Variants in EYS observed in about 807,000 individuals in gnomAD.
EYS encodes protein eyes shut homolog.
EYS carries 250 observed loss-of-function variants against 282.1 expected under a neutral mutation model. The observed-to-expected ratio is 0.89, with a 90% CI of 0.80 to 0.98. The LOEUF (loss-of-function observed/expected upper bound fraction) is 0.98. Ranked by LOEUF, EYS falls within the 50% of genes least tolerant of loss-of-function variation. EYS has a pLI of 0.00. For synonymous variants in EYS, 1,355 were observed against 1,282.9 expected, an observed-to-expected ratio of 1.06 and a Z score of -1.20; for missense variants, 4,016 against 3,709.0, an observed-to-expected ratio of 1.08 and a Z score of -2.15.
Position 65,264,308 on chromosome 6 carries a change from C to T in EYS, c.2023+31555G>A, listed in dbSNP as rs534813605. 4.6e-5 allele frequency among the ~76,000 whole-genome samples: 7 copies of T among 152,202 alleles called. No homozygotes were observed. In the South Asian group the frequency reaches 1.5e-3, roughly 32 times the overall value. ...TAATAAGTGCTAATTAACATTTCTTCTGTTAAATACCCAAGTTATTCTTTG... is the reference window on the plus strand; with the variant it reads ...TAATAAGTGCTAATTAACATTTCTTTTGTTAAATACCCAAGTTATTCTTTG... On this transcript the variant is annotated intron_variant, in intron 12 of 42. Coordinates refer to ENST00000503581, the MANE Select transcript of EYS (RefSeq NM_001142800.2).
chr6:65,320,877 G>T (rs1769456154), intron 11 of EYS, among the ~76,000 whole-genome samples: 1 of 152,160 alleles, frequency 6.6e-6, no homozygotes, highest in Non-Finnish European at 1.5e-5. Context: ...GGAGGGCCAT[G>T]TTCACCCTAA....
rs573806229 is a variant in EYS at position 64,073,429 on chromosome 6, T to C, written c.6572-6938A>G. Among the ~76,000 whole-genome samples the C allele has an allele frequency of 4.5e-3, 690 of 151,848 alleles. 4 individuals carry two copies. Among genetic ancestry groups the C allele is most frequent in the African/African-American group, 0.016 (659 of 41,478 alleles). The stretch of plus-strand genomic sequence containing the variant: ...CAATTGACTTTGTATCATGTAACCC[T>C]AGGATTCTATAAGTAGAGAAAAGCT... On this transcript the variant is annotated intron_variant, in intron 32 of 42. Transcript: ENST00000503581.
intron 2 of EYS, among the ~76,000 whole-genome samples, chr6:65,626,108 G>A (rs1172130992): frequency 6.6e-6 from 1 of 152,106 alleles, no homozygotes; most frequent in Non-Finnish European, 1.5e-5. Context: ...GTCCCTAAGA[G>A]GTTCCACAAA....
chr6:64,733,459 T>C, intron 22 of EYS: 1 of 190,544 alleles, frequency 5.2e-6, no homozygotes. Context: ...ACCACAATGA[T>C]GCTGCTGACA....
chr6:64,313,846 A>T (rs1769826379), intron 29 of EYS, among the ~76,000 whole-genome samples: 1 of 152,132 alleles, frequency 6.6e-6, no homozygotes, highest in African/African-American at 2.4e-5. Context: ...CAAGCTTGCC[A>T]CACAAGAGCT....
chr6:64,961,447 T>C (rs1303903196), intron 14 of EYS, among the ~76,000 whole-genome samples: 5 of 120,246 alleles, frequency 4.2e-5, no homozygotes, highest in African/African-American at 2.6e-4. Flanking sequence ...TCCTTTCCAA[T>C]ATATCATATA....
intron 11 of EYS, among the ~76,000 whole-genome samples, chr6:65,312,752 C>T (rs1769194456): frequency 6.6e-6 from 1 of 152,154 alleles, no homozygotes; most frequent in Admixed American, 6.6e-5. Context: ...TCACAGTATG[C>T]TCTCAGGAAC....
At chr6:65,330,319 G>T (rs1244281987) in intron 11 of EYS, 2 of 971,170 alleles carry the variant, frequency 2.1e-6, no homozygotes, top group East Asian at 1.2e-4. Context: ...ATTTCTGGTA[G>T]CAAGTAGGGA....
At chr6:65,559,981 A>G (rs1768975002) in intron 2 of EYS, among the ~76,000 whole-genome samples, 1 of 150,940 alleles carries the variant, frequency 6.6e-6, no homozygotes, top group Non-Finnish European at 1.5e-5. Context: ...AACACTTTGA[A>G]GACATTTTTT....
intron 26 of EYS, among the ~76,000 whole-genome samples, chr6:64,469,150 G>C (rs922467326): frequency 6.6e-6 from 1 of 151,998 alleles, no homozygotes; most frequent in African/African-American, 2.4e-5. Context: ...GCAACCTCGC[G>C]AGCATCTGTT....
intron 33 of EYS, among the ~76,000 whole-genome samples, chr6:64,064,193 G>C (rs954737567): frequency 2.7e-4 from 41 of 152,054 alleles, no homozygotes; most frequent in African/African-American, 8.7e-4. Flanking sequence ...CTACTTGTCA[G>C]TCACCCTCAC....
chr6:64,820,536 A>G (rs9342432), intron 21 of EYS, among the ~76,000 whole-genome samples: 67,311 of 151,852 alleles, frequency 0.44, 15,697 homozygotes, highest in East Asian at 0.81. Flanking sequence ...ATCAAGAATA[A>G]CTTTCACTAT....
At chr6:64,426,335 C>G (rs1774408365) in intron 28 of EYS, among the ~76,000 whole-genome samples, 1 of 152,152 alleles carries the variant, frequency 6.6e-6, no homozygotes. Context: ...ACAAAATTCT[C>G]TACTCACAGG....
At chr6:65,315,011 C>T (rs1240027947) in intron 11 of EYS, among the ~76,000 whole-genome samples, 1 of 152,072 alleles carries the variant, frequency 6.6e-6, no homozygotes, top group Non-Finnish European at 1.5e-5. Context: ...AGACCACCCA[C>T]TGAATACCCG....
chr6:63,937,624 G>A (rs1765111822), intron 35 of EYS, among the ~76,000 whole-genome samples: 2 of 151,456 alleles, frequency 1.3e-5, no homozygotes, highest in African/African-American at 2.4e-5. Flanking sequence ...CTCGTGATCC[G>A]CTCGCCTCGG....
intron 16 of EYS, among the ~76,000 whole-genome samples, chr6:64,906,866 A>C (rs1192053102): frequency 6.6e-6 from 1 of 152,178 alleles, no homozygotes; most frequent in African/African-American, 2.4e-5. Context: ...TAGAAAGATA[A>C]AGAACCATTC....
intron 33 of EYS, among the ~76,000 whole-genome samples, chr6:64,061,806 A>G (rs1262415233): frequency 4.2e-4 from 64 of 152,166 alleles, no homozygotes; most frequent in East Asian, 3.9e-4. Flanking sequence ...CCTGGCCAAC[A>G]TGGAGAAACC....
At chr6:63,961,338 A>T (rs1766049957) in intron 35 of EYS, among the ~76,000 whole-genome samples, 1 of 152,068 alleles carries the variant, frequency 6.6e-6, no homozygotes, top group African/African-American at 2.4e-5. Context: ...CACCATCGTG[A>T]TTTGTTTCTG....
intron 41 of EYS, among the ~76,000 whole-genome samples, chr6:63,748,840 T>G (rs1769273255): frequency 6.6e-6 from 1 of 152,126 alleles, no homozygotes; most frequent in Non-Finnish European, 1.5e-5. Flanking sequence ...ATATCCCCCT[T>G]GTTATTTCTA....
Sources: allele counts gnomAD v4.1 joint callset (sites outside exome capture counted in the v4.1 genomes callset), GRCh38; gene constraint gnomAD v4.1.1; transcripts MANE v1.5; gene names NCBI Gene and HGNC (gene_info 2026-07-23, HGNC 2026-07-21).